Variants in PPP2R5C observed in about 807,000 individuals in gnomAD.
PPP2R5C encodes protein phosphatase 2 regulatory subunit B'gamma.
A neutral mutation model predicts 68.9 loss-of-function variants in PPP2R5C; 7 were observed. The observed-to-expected ratio is 0.10, with a 90% CI of 0.06 to 0.19. The LOEUF is 0.19. Ranked by LOEUF, PPP2R5C falls within the 10% of genes least tolerant of loss-of-function variation. PPP2R5C has a pLI of 1.00. For synonymous variants in PPP2R5C, 210 were observed against 222.2 expected (o/e 0.95, Z 0.49); for missense variants, 348 against 641.3 (o/e 0.54, Z 4.94).
chr14:101,924,985 G>A (rs2047219017), intron 13 of PPP2R5C, among the ~76,000 whole-genome samples, 156 bp from the exon 16 acceptor site: 2 of 152,176 alleles, frequency 1.3e-5, no homozygotes, highest in Non-Finnish European at 2.9e-5. Flanking sequence ...AAATTTCCAT[G>A]ATAAGACCTA....
intron 3 of PPP2R5C, among the ~76,000 whole-genome samples, chr14:101,787,730 G>A (rs759680929): frequency 7.0e-6 from 1 of 141,996 alleles, no homozygotes; most frequent in East Asian, 2.0e-4. Flanking sequence ...TCGTGCCACT[G>A]CACTCCAGCC....
At chr14:101,831,920 A>G (rs1274715248) in intron 1 of PPP2R5C, 6 of 567,290 alleles carry the variant, frequency 1.1e-5, no homozygotes, top group Middle Eastern at 2.7e-4. Context: ...AAGCAGCAAT[A>G]TTATGATACA....
chr14:101,811,227 G>A (rs1282598733), intron 1 of PPP2R5C, among the ~76,000 whole-genome samples: 1 of 152,210 alleles, frequency 6.6e-6, no homozygotes. Context: ...TATTGTTTTT[G>A]TAGTGCACCC....
Position 101,906,720 on chromosome 14 carries a change from C to A in PPP2R5C, c.1151+191C>A. 2.9e-6 allele frequency: 2 copies of A among 681,886 alleles called. No individual in the cohort carries two copies. Among genetic ancestry groups the A allele is most frequent in the Non-Finnish European group, 2.3e-6 (1 of 427,914 alleles). The allele number at this position is 681,886 out of a possible 1,614,324, so 42.2% of individuals were successfully genotyped here. On this transcript the variant is annotated intron_variant, in intron 10 of 13. Transcript: ENST00000334743. This position sits in a 1 kb window ranked among gnomAD's most constrained non-coding sequence, Gnocchi z 4.0. ...TGGCCGTTGAATTTACCACCTTATA[C>A]CTTCATTCCTGCCAGTATAGAGGCA...
At chr14:101,870,024 CT>C (rs2043294729) in intron 2 of PPP2R5C, among the ~76,000 whole-genome samples, 1 of 123,318 alleles carries the variant, frequency 8.1e-6, no homozygotes, top group Non-Finnish European at 1.7e-5. Context: ...AATTGTTTGC[CT>C]GTTTTTCAAT....
intron 1 of PPP2R5C, chr14:101,824,388 A>G (rs2040270947): frequency 7.3e-6 from 2 of 274,372 alleles, no homozygotes; most frequent in African/African-American, 4.4e-5. Flanking sequence ...TGATGTGTAC[A>G]ATTGAAGTGA....
chr14:101,862,722 C>T (rs938712580), intron 2 of PPP2R5C, among the ~76,000 whole-genome samples: 3 of 151,530 alleles, frequency 2.0e-5, no homozygotes, highest in Admixed American at 2.0e-4. Flanking sequence ...AAGAAATTTA[C>T]AGAAATGTAA....
chr14:101,853,593 C>A (rs1371433573), intron 1 of PPP2R5C, among the ~76,000 whole-genome samples: 1 of 152,152 alleles, frequency 6.6e-6, no homozygotes, highest in Non-Finnish European at 1.5e-5. Flanking sequence ...CATTTTGAGG[C>A]ATGTAAGAGT....
chr14:101,829,742 GC>G (rs2040622519), intron 1 of PPP2R5C, among the ~76,000 whole-genome samples: 1 of 152,126 alleles, frequency 6.6e-6, no homozygotes, highest in Admixed American at 6.5e-5. Context: ...AACGTGAGGT[GC>G]CCGCAATCAG....
chr14:101,781,607 C>G lies in PPP2R5C; in HGVS notation c.94-4411C>G, dbSNP rs2037695552. Among the ~76,000 whole-genome samples, 1 of 152,088 alleles carries G rather than the reference C, an allele frequency of 6.6e-6. No homozygotes were observed. Among genetic ancestry groups the G allele is most frequent in the Admixed American group, 6.5e-5 (1 of 15,288 alleles). On this transcript the variant is annotated intron_variant, in intron 2 of 14. Coordinates refer to the PPP2R5C transcript ENST00000328724. This position sits in a 1 kb window ranked among gnomAD's most constrained non-coding sequence, Gnocchi z 6.4. ...TGTCTGTCCCGGCCTTCCAAGGAGA[C>G]CCTTAGCTCCCGCCGGCCGCCTCCG...
intron 5 of PPP2R5C, among the ~76,000 whole-genome samples, chr14:101,886,048 G>A (rs547869814): frequency 4.1e-4 from 63 of 152,312 alleles, no homozygotes; most frequent in Middle Eastern, 6.8e-3. Flanking sequence ...TTGGGAGGCC[G>A]AGGCGGGCAG....
intron 1 of PPP2R5C, among the ~76,000 whole-genome samples, chr14:101,816,255 C>A (rs747536154): frequency 6.6e-6 from 1 of 152,122 alleles, no homozygotes; most frequent in Admixed American, 6.6e-5. Context: ...GCGCTGTTTC[C>A]GCTCCCTGTC....
At chr14:101,837,441 C>T (rs2041183840) in intron 1 of PPP2R5C, among the ~76,000 whole-genome samples, 1 of 152,196 alleles carries the variant, frequency 6.6e-6, no homozygotes, top group Admixed American at 6.5e-5. Flanking sequence ...GCCACCGTGC[C>T]CGACCCTCAT....
chr14:101,892,934 G>A (rs529499963), intron 6 of PPP2R5C, 66 bp from the exon 9 acceptor site: 29 of 1,232,044 alleles, frequency 2.4e-5, no homozygotes, highest in Middle Eastern at 5.3e-4. Context: ...ATTGAAAGAC[G>A]GCAAGATATT....
intron 13 of PPP2R5C, chr14:101,922,002 G>A: frequency 1.0e-6 from 1 of 985,424 alleles, no homozygotes; most frequent in Non-Finnish European, 1.2e-6. Flanking sequence ...GAGAAAAGCA[G>A]TGTCAACCAC....
At chr14:101,806,140 G>A (rs772250654), upstream of PPP2R5C, among the ~76,000 whole-genome samples, 17 of 150,096 alleles carry the variant, frequency 1.1e-4, no homozygotes, top group Non-Finnish European at 1.6e-4. Flanking sequence ...TGTGTAGAAC[G>A]TGCAGGTTTG....
At chr14:101,799,452 A>G (rs1252891952) in intron 3 of PPP2R5C, among the ~76,000 whole-genome samples, 1 of 152,072 alleles carries the variant, frequency 6.6e-6, no homozygotes, top group African/African-American at 2.4e-5. Context: ...TTTACGGGTG[A>G]GGAAAGGACC....
intron 1 of PPP2R5C, among the ~76,000 whole-genome samples, chr14:101,846,247 G>C (rs932029779): frequency 3.9e-5 from 6 of 152,200 alleles, no homozygotes; most frequent in African/African-American, 9.7e-5. Context: ...CATCCATTTA[G>C]AAACCTGAGC....
chr14:101,895,630 G>GT (rs1453693307), intron 8 of PPP2R5C, among the ~76,000 whole-genome samples: 1 of 152,090 alleles, frequency 6.6e-6, no homozygotes. Context: ...TCATTCTTGG[G>GT]TTGCGTATCA....
Sources: allele counts gnomAD v4.1 joint callset (sites outside exome capture counted in the v4.1 genomes callset), GRCh38; gene constraint gnomAD v4.1.1; non-coding constraint Gnocchi (gnomAD v3.1); transcripts MANE v1.5; gene names NCBI Gene and HGNC (gene_info 2026-07-23, HGNC 2026-07-21).